ZNF682: variants seen among roughly 807,000 people sequenced by gnomAD.
The protein encoded by ZNF682 is zinc finger protein 682.
ZNF682 carries 29 observed loss-of-function variants against 36.5 expected under a neutral mutation model. That is an observed-to-expected ratio of 0.80 (90% CI 0.59 to 1.08). The LOEUF (loss-of-function observed/expected upper bound fraction) is 1.08, where lower values mean the gene tolerates loss of function less well. ZNF682 is among the 50% of genes least tolerant of loss of function. The probability of loss-of-function intolerance (pLI) is 0.00; values close to 1 mark genes in which losing one functional copy is unlikely to be tolerated. For synonymous variants in ZNF682, 180 were observed against 197.0 expected (o/e 0.91, Z 0.72); for missense variants, 561 against 579.7 (o/e 0.97, Z 0.33).
intron 1 of ZNF682, among the ~76,000 whole-genome samples, chr19:20,036,928 T>G (rs1349494298): frequency 6.6e-6 from 1 of 151,872 alleles, no homozygotes; most frequent in Non-Finnish European, 1.5e-5. Context: ...AAGGTTATAG[T>G]GAGCTATGAT....
chr19:19,995,968 T>C (rs1205052816), downstream of ZNF682, among the ~76,000 whole-genome samples: 1 of 152,142 alleles, frequency 6.6e-6, no homozygotes, highest in Non-Finnish European at 1.5e-5. Flanking sequence ...TGTCATGGGG[T>C]TGCCATGGGC....
At chr19:20,014,350 AC>A (rs2088315502) in intron 3 of ZNF682, among the ~76,000 whole-genome samples, 1 of 152,222 alleles carries the variant, frequency 6.6e-6, no homozygotes, top group African/African-American at 2.4e-5. Context: ...TTACTTGCAC[AC>A]CCATATTAAT....
At chr19:20,026,873 T>TA (rs975895846) in intron 1 of ZNF682, among the ~76,000 whole-genome samples, 1 of 152,120 alleles carries the variant, frequency 6.6e-6, no homozygotes, top group Non-Finnish European at 1.5e-5. Context: ...CTCTGATATA[T>TA]AAAAGAGAAG....
At chr19:19,998,913 A>G (rs1056515151) in intron 3 of ZNF682, among the ~76,000 whole-genome samples, 10 of 152,292 alleles carry the variant, frequency 6.6e-5, no homozygotes, top group Admixed American at 5.9e-4. Context: ...AAATATATAT[A>G]TAATCTTGAG....
chr19:19,998,632 A>G (rs2088142954), intron 3 of ZNF682, among the ~76,000 whole-genome samples: 1 of 152,164 alleles, frequency 6.6e-6, no homozygotes, highest in East Asian at 1.9e-4. Context: ...GGACTTCTCA[A>G]CAGAAGCTGG....
downstream of ZNF682, among the ~76,000 whole-genome samples, chr19:20,002,929 G>C (rs1159238393): frequency 6.6e-6 from 1 of 152,066 alleles, no homozygotes; most frequent in Non-Finnish European, 1.5e-5. Flanking sequence ...AATGGCTCAC[G>C]CCTGTAATCC....
chr19:20,024,213 G>A (rs528740456), intron 2 of ZNF682, 37 bp downstream of exon 2: 1 of 1,610,326 alleles, frequency 6.2e-7, no homozygotes, highest in African/African-American at 1.3e-5. Context: ...AAAATCTTTT[G>A]TGTGAAATAG....
chr19:20,014,540 G>C (rs2088317999), intron 3 of ZNF682, among the ~76,000 whole-genome samples: 1 of 151,916 alleles, frequency 6.6e-6, no homozygotes, highest in Non-Finnish European at 1.5e-5. Flanking sequence ...GGGAGGCCCA[G>C]GTGGGCGGAT....
At chr19:20,002,065 C>T (rs894988698), downstream of ZNF682, among the ~76,000 whole-genome samples, 11 of 152,112 alleles carry the variant, frequency 7.2e-5, no homozygotes, top group Admixed American at 2.6e-4. Flanking sequence ...CACTTATGAA[C>T]AGAAGAGTTA....
At chr19:20,008,634 G>A (rs188642345) in intron 3 of ZNF682, among the ~76,000 whole-genome samples, 23 of 152,272 alleles carry the variant, frequency 1.5e-4, no homozygotes, top group African/African-American at 5.1e-4. Flanking sequence ...GGGTCTCCTG[G>A]TGACCTAAAA....
In ZNF682 at chr19:20,026,099, G is replaced by A. The variant is rs191013100; in HGVS notation, c.4-1723C>T. 6.3e-3 allele frequency among the ~76,000 whole-genome samples: 954 copies of A among 152,106 alleles called. 12 individuals are homozygous for A. Among genetic ancestry groups the A allele is most frequent in the African/African-American group, 0.022 (915 of 41,500 alleles). On this transcript the variant is annotated intron_variant, in intron 1 of 3. Coordinates refer to ENST00000397165, the MANE Select transcript of ZNF682 (RefSeq NM_033196.3). Reference sequence around the variant, plus strand: ...GGGTGGATCACAAGGTCAGGAGATCGAGACCATCCTGGCTAACATGGTGAA... The same window carrying A: ...GGGTGGATCACAAGGTCAGGAGATCAAGACCATCCTGGCTAACATGGTGAA...
intron 3 of ZNF682, among the ~76,000 whole-genome samples, chr19:20,020,036 A>AC (rs2088369703): frequency 8.2e-6 from 1 of 121,258 alleles, no homozygotes; most frequent in Admixed American, 9.7e-5. Flanking sequence ...ACACAGTGAG[A>AC]CCCCTTCTCT....
chr19:20,011,355 G>A (rs2088286497), intron 3 of ZNF682, among the ~76,000 whole-genome samples: 1 of 152,080 alleles, frequency 6.6e-6, no homozygotes, highest in Non-Finnish European at 1.5e-5. Context: ...AAAAGACTTA[G>A]CCAGCCACAC....
At chr19:20,030,368 G>A (rs2088469399) in intron 1 of ZNF682, among the ~76,000 whole-genome samples, 1 of 152,054 alleles carries the variant, frequency 6.6e-6, no homozygotes, top group African/African-American at 2.4e-5. Flanking sequence ...TCAGGAGTTC[G>A]AGACCAGCCT....
chr19:20,014,748 C>T (rs1365626533), intron 3 of ZNF682, among the ~76,000 whole-genome samples: 6 of 150,864 alleles, frequency 4.0e-5, no homozygotes, highest in African/African-American at 9.8e-5. Flanking sequence ...CCACTGCATT[C>T]CAGCCTGGCA....
In ZNF682 at chr19:20,023,074, C is replaced by T; in HGVS notation, c.156G>A (p.Leu52=). The change falls in exon 3 of 4, where the codon CTG becomes CTA. Residue 52 remains leucine (L), a synonymous_variant. Transcript: ENST00000397165. ...CCTGTCTTTGCTCCAGACGGCTAAT[C>T]AGTTCTGGCTTAGAAACAGTAAGAC... ...SLGLTVSKPE[L]ISRLEQRQEP... 2 of 1,614,006 alleles carry T rather than the reference C, an allele frequency of 1.2e-6. No individual in the cohort carries two copies. The highest frequency in any genetic ancestry group is 1.7e-6 in the Non-Finnish European group (2 of 1,179,934).
At chr19:20,003,429 G>A (rs1357269772), downstream of ZNF682, among the ~76,000 whole-genome samples, 2 of 151,898 alleles carry the variant, frequency 1.3e-5, no homozygotes, top group African/African-American at 4.8e-5. Context: ...AACTGGCCGG[G>A]CATGGTGGCT....
rs543912984 is a variant in ZNF682 at position 20,015,856 on chromosome 19, GAA to G, written c.226+7146_226+7147del. On this transcript the variant is annotated intron_variant, in intron 3 of 3. Coordinates refer to ENST00000397165, the MANE Select transcript of ZNF682 (RefSeq NM_033196.3). ...CTGTAATCTAGCCTGCAGAAGCAAAGAAAAGACTTACATCTTTTACTGTAAGA... is the reference window on the plus strand; with the variant it reads ...CTGTAATCTAGCCTGCAGAAGCAAAGAAGACTTACATCTTTTACTGTAAGA... The G allele has an allele frequency of 9.8e-5, 39 of 397,986 alleles. No individual in the cohort carries two copies. In the East Asian group the frequency reaches 1.1e-3, roughly 12 times the overall value. 24.7% of individuals were successfully genotyped at this position (397,986 alleles called of 1,614,324 possible).
intron 3 of ZNF682, among the ~76,000 whole-genome samples, chr19:20,010,007 G>A (rs146814989): frequency 0.013 from 1,969 of 151,436 alleles, 21 homozygotes; most frequent in South Asian, 0.032. Flanking sequence ...GCCACAGAGC[G>A]AGACTCCATC....
Sources: allele counts gnomAD v4.1 joint callset (sites outside exome capture counted in the v4.1 genomes callset), GRCh38; gene constraint gnomAD v4.1.1; transcripts MANE v1.5; gene names NCBI Gene and HGNC (gene_info 2026-07-23, HGNC 2026-07-21).